Variants in UTP18 observed in about 807,000 individuals in gnomAD.
UTP18 encodes the protein UTP18 small subunit processome component, also known as U3 small nucleolar RNA-associated protein 18 homolog.
UTP18 carries 36 observed loss-of-function variants against 61.1 expected under a neutral mutation model. The observed-to-expected ratio is 0.59, with a 90% CI of 0.45 to 0.78. The LOEUF (loss-of-function observed/expected upper bound fraction) is 0.78, where lower values mean the gene tolerates loss of function less well. UTP18 is among the 30% of genes least tolerant of loss of function. UTP18 has a pLI of 0.00. For missense variants in UTP18, 753 were observed against 693.9 expected (o/e 1.09, Z -0.96); for synonymous variants, 282 against 251.1 (o/e 1.12, Z -1.16).
Position 51,268,022 on chromosome 17 carries a change from T to G in UTP18, c.555-815T>G, listed in dbSNP as rs1420203219. 4.7e-5 allele frequency among the ~76,000 whole-genome samples: 7 copies of G among 149,164 alleles called. No homozygotes were observed. In the South Asian group the frequency reaches 1.5e-3, roughly 32 times the overall value. On this transcript the variant is annotated intron_variant, in intron 3 of 13. Transcript: ENST00000225298. The stretch of plus-strand genomic sequence containing the variant: ...TTTGTTTTTTGTTTTTTGTTTTTTT[T>G]TTTTTGAGATGGAGCCTGGCTCTGT...
intron 9 of UTP18, among the ~76,000 whole-genome samples, chr17:51,284,115 C>G (rs967961625): frequency 1.3e-5 from 2 of 152,328 alleles, no homozygotes; most frequent in Middle Eastern, 3.4e-3. Flanking sequence ...ATTCAGTTTT[C>G]CCAAATGTGT....
Position 51,293,909 on chromosome 17 carries a change from C to G in UTP18, c.1510C>G (p.Leu504Val). 9.5e-6 allele frequency: 15 copies of G among 1,578,250 alleles called. No individual in the cohort carries two copies. The highest frequency in any genetic ancestry group is 1.3e-5 in the Non-Finnish European group (15 of 1,166,112). Reference sequence around the variant, plus strand: ...TTTTTATTATCTCCTGCAGGTTCATCTTCCTTCCTGTACAGTATTTTCAAA... The same window carrying G: ...TTTTTATTATCTCCTGCAGGTTCATGTTCCTTCCTGTACAGTATTTTCAAA... Reference protein sequence around the residue: ...KMKEAVRLVHLPSCTVFSNFP... With the variant: ...KMKEAVRLVHVPSCTVFSNFP... The change falls in exon 12 of 14, where the codon CTT (leucine) becomes GTT (valine). Residue 504 changes from leucine to valine, a missense_variant. Physicochemically the swap from Leu to Val is conservative, Grantham distance 32. Coordinates refer to ENST00000225298, the MANE Select transcript of UTP18 (RefSeq NM_016001.3).
intron 9 of UTP18, among the ~76,000 whole-genome samples, chr17:51,283,414 C>T (rs573984985): frequency 1.3e-5 from 2 of 151,728 alleles, no homozygotes; most frequent in African/African-American, 4.8e-5. Flanking sequence ...GTGATCTGCC[C>T]GCCTTGGCCT....
intron 10 of UTP18, chr17:51,286,358 T>C (rs1211866927): frequency 2.5e-6 from 1 of 392,198 alleles, no homozygotes; most frequent in Non-Finnish European, 5.1e-6. Flanking sequence ...GTGATTTTCT[T>C]AGACCAAACA....
intron 13 of UTP18, 83 bp from the exon 14 acceptor site, chr17:51,297,699 C>T (rs1464728833): frequency 4.7e-6 from 2 of 424,338 alleles, no homozygotes; most frequent in Non-Finnish European, 9.2e-6. Context: ...TCTCCTGTCT[C>T]AAAAGATTAC....
Position 51,288,060 on chromosome 17 carries a change from C to A in UTP18, c.1360C>A (p.Gln454Lys), listed in dbSNP as rs1392686646. ...SNCGVVNIYN[Q>K]DSCLQETNPK... ...TTGTGGAGTGGTAAATATATACAAT[C>A]AAGATTCTTGTCTCCAAGAAACAAA... The change falls in exon 11 of 14, where the codon CAA (glutamine) becomes AAA (lysine). Residue 454 changes from glutamine to lysine, a missense_variant. Coordinates refer to ENST00000225298, the MANE Select transcript of UTP18 (RefSeq NM_016001.3). The A allele has an allele frequency of 8.1e-6, 13 of 1,598,366 alleles. No individual in the cohort carries two copies. The highest frequency in any genetic ancestry group is 1.1e-5 in the South Asian group (1 of 87,036).
intron 7 of UTP18, 63 bp from the exon 8 acceptor site, chr17:51,279,942 T>C (rs1348786479): frequency 7.7e-7 from 1 of 1,299,872 alleles, no homozygotes; most frequent in African/African-American, 1.5e-5. Flanking sequence ...CATTTGTCAA[T>C]AGATGATAGT....
At chr17:51,296,686 A>G (rs1444714901) in intron 12 of UTP18, 3 of 312,780 alleles carry the variant, frequency 9.6e-6, no homozygotes, top group African/African-American at 4.3e-5. Flanking sequence ...AGTGACTGGA[A>G]TTGACTGATG....
rs780858977 is a variant in UTP18 at position 51,277,293 on chromosome 17, A to C, written c.1001A>C (p.His334Pro). The change falls in exon 7 of 14, where the codon CAT becomes CCT. Residue 334 changes from histidine to proline, a missense_variant. Coordinates refer to ENST00000225298, the MANE Select transcript of UTP18 (RefSeq NM_016001.3). Reference sequence around the variant, plus strand: ...CTGGCTGGAAAGTTAATTCCTGTGCATCAAGTGAGAGGTAAGATTTCTGTT... The same window carrying C: ...CTGGCTGGAAAGTTAATTCCTGTGCCTCAAGTGAGAGGTAAGATTTCTGTT... ...DMLAGKLIPV[H>P]QVRGLKEKIV... The C allele has an allele frequency of 5.6e-6, 9 of 1,613,910 alleles. No individual in the cohort carries two copies. The South Asian group carries it at 9.9e-5, about 18-fold the overall frequency.
At chr17:51,269,616 T>C (rs949778226) in intron 4 of UTP18, among the ~76,000 whole-genome samples, 3 of 152,148 alleles carry the variant, frequency 2.0e-5, no homozygotes, top group African/African-American at 7.2e-5. Context: ...CTTCCTACCC[T>C]GTTAGTCCTC....
At chr17:51,275,716 TTTTTG>T in intron 5 of UTP18, 145 bp from the exon 6 acceptor site, 1 of 829,874 alleles carries the variant, frequency 1.2e-6, no homozygotes, top group East Asian at 3.4e-5. Context: ...GTTTTTTTGT[TTTTTG>T]TTTTTTTTTT....
chr17:51,297,518 G>C, intron 13 of UTP18, among the ~76,000 whole-genome samples: 1 of 152,202 alleles, frequency 6.6e-6, no homozygotes, highest in East Asian at 1.9e-4. Flanking sequence ...GTGGTTCTGA[G>C]ATTGAGCTTT....
chr17:51,268,227 C>T (rs1305582120), intron 3 of UTP18, among the ~76,000 whole-genome samples: 1 of 152,082 alleles, frequency 6.6e-6, no homozygotes, highest in East Asian at 1.9e-4. Flanking sequence ...GGGGTTTCAC[C>T]ATGTTAGCCA....
chr17:51,264,905 A>C (rs1008252422), intron 2 of UTP18, among the ~76,000 whole-genome samples: 1 of 151,684 alleles, frequency 6.6e-6, no homozygotes, highest in Non-Finnish European at 1.5e-5. Flanking sequence ...CTGGTCTCGA[A>C]CTGTTGACCT....
rs571115554 is a variant in UTP18 at position 51,267,402 on chromosome 17, A to G, written c.554+1122A>G. ...TTAAAGTGTAAATTTGGTGGCATTT[A>G]GTATATTTAGAATGTTGTGCCACCA... is the stretch of plus-strand genomic sequence containing the variant. On this transcript the variant is annotated intron_variant, in intron 3 of 13. Transcript: ENST00000225298. 5.7e-4 allele frequency among the ~76,000 whole-genome samples: 87 copies of G among 151,568 alleles called. No homozygotes were observed. In the South Asian group the frequency reaches 8.4e-3, roughly 15 times the overall value.
Position 51,294,011 on chromosome 17 carries a change from T to C in UTP18, c.1612T>C (p.Leu538=), listed in dbSNP as rs767141667. The C allele has an allele frequency of 3.1e-6, 5 of 1,609,834 alleles. No homozygotes were observed. Among genetic ancestry groups the C allele is most frequent in the Admixed American group, 1.7e-5 (1 of 59,450 alleles). ...DFSPRSGYFA[L]GNEKGKALMY... ...TTCTCCGAGAAGTGGATACTTTGCCTTGGGGAATGAAAAGGGCAAGGCCCT... is the reference window on the plus strand; with the variant it reads ...TTCTCCGAGAAGTGGATACTTTGCCCTGGGGAATGAAAAGGGCAAGGCCCT... The change falls in exon 12 of 14, where the codon TTG becomes CTG. Residue 538 remains leucine, a synonymous_variant. Coordinates refer to ENST00000225298, the MANE Select transcript of UTP18 (RefSeq NM_016001.3).
intron 11 of UTP18, among the ~76,000 whole-genome samples, chr17:51,290,832 C>T (rs975557790): frequency 6.6e-6 from 1 of 152,176 alleles, no homozygotes; most frequent in Non-Finnish European, 1.5e-5. Flanking sequence ...GGCATAGCAG[C>T]TCCATATAAT....
chr17:51,284,053 A>T (rs1292910262), intron 9 of UTP18, among the ~76,000 whole-genome samples: 1 of 152,222 alleles, frequency 6.6e-6, no homozygotes. Flanking sequence ...CCTTTATTAT[A>T]ACATTAATGT....
chr17:51,281,718 CAT>C (rs995874530), intron 9 of UTP18, among the ~76,000 whole-genome samples: 6 of 152,206 alleles, frequency 3.9e-5, no homozygotes, highest in African/African-American at 1.2e-4. Context: ...AAAATGTTAA[CAT>C]TGGGGGGGAA....
Sources: gnomAD v4.1 joint callset for allele counts (sites outside exome capture counted in the v4.1 genomes callset) on GRCh38, gnomAD v4.1.1 for gene constraint, MANE v1.5 for transcripts, NCBI Gene and HGNC (gene_info 2026-07-23, HGNC 2026-07-21) for gene names.